Variants in ST6GALNAC2 observed in about 807,000 individuals in gnomAD.
ST6GALNAC2 encodes ST6 N-acetylgalactosaminide alpha-2,6-sialyltransferase 2.
A neutral mutation model predicts 38.7 loss-of-function variants in ST6GALNAC2; 42 were observed. The ratio of observed to expected loss-of-function variants is 1.09; its 90% CI spans 0.85 to 1.40. ST6GALNAC2 has a LOEUF of 1.40. Ranked by LOEUF, ST6GALNAC2 falls within the 40% of genes most tolerant of loss-of-function variation. The pLI, the probability that ST6GALNAC2 is intolerant of heterozygous loss-of-function variation, is 0.00. For missense variants in ST6GALNAC2, 506 were observed against 481.7 expected, an observed-to-expected ratio of 1.05 and a Z score of -0.47; for synonymous variants, 233 against 209.0, an observed-to-expected ratio of 1.11 and a Z score of -0.99.
intron 6 of ST6GALNAC2, chr17:76,569,477 G>C (rs2075327624): frequency 2.8e-6 from 1 of 362,940 alleles, no homozygotes; most frequent in Non-Finnish European, 4.8e-6. Context: ...CGGGAAGAGG[G>C]CTGTGAGGCA....
intron 5 of ST6GALNAC2, 158 bp from the exon 6 acceptor site, chr17:76,570,826 T>C (rs912468488): frequency 9.0e-5 from 56 of 619,488 alleles, no homozygotes; most frequent in Admixed American, 2.9e-4. Flanking sequence ...GGTTTCAGTG[T>C]AGGTCCACAA....
chr17:76,579,899 A>G (rs563686675), intron 1 of ST6GALNAC2, among the ~76,000 whole-genome samples: 133 of 152,230 alleles, frequency 8.7e-4, no homozygotes, highest in African/African-American at 3.0e-3. Flanking sequence ...AAATGATCCA[A>G]CTCAGGTGTT....
chr17:76,566,876 AT>A (rs1567925248), intron 8 of ST6GALNAC2, among the ~76,000 whole-genome samples: 1 of 152,034 alleles, frequency 6.6e-6, no homozygotes, highest in Non-Finnish European at 1.5e-5. Flanking sequence ...GTGGAGAGGC[AT>A]TTGGCCCCCA....
chr17:76,567,630 T>TAC, intron 7 of ST6GALNAC2, 78 bp from the exon 8 acceptor site: 1 of 982,668 alleles, frequency 1.0e-6, no homozygotes, highest in Non-Finnish European at 1.6e-6. Context: ...TTCAAATAGG[T>TAC]GGGAAAACTT....
chr17:76,582,164 C>CTTTTTTTTTTT (rs71158025), intron 1 of ST6GALNAC2, among the ~76,000 whole-genome samples: 7 of 62,062 alleles, frequency 1.1e-4, no homozygotes, highest in African/African-American at 4.0e-4. Context: ...CGTGCCCAGC[C>CTTTTTTTTTTT]TTTTTTTTTT....
At chr17:76,583,245 G>A (rs1305033730) in intron 1 of ST6GALNAC2, among the ~76,000 whole-genome samples, 5 of 151,842 alleles carry the variant, frequency 3.3e-5, no homozygotes, top group African/African-American at 4.8e-5. Flanking sequence ...GCATGGTGGC[G>A]GGCACCTGTA....
intron 5 of ST6GALNAC2, among the ~76,000 whole-genome samples, chr17:76,571,930 C>T (rs888279186): frequency 6.6e-6 from 1 of 152,172 alleles, no homozygotes; most frequent in African/African-American, 2.4e-5. Flanking sequence ...ACACGTCCCT[C>T]AGTGTCTCTG....
At chr17:76,568,850 G>A (rs1457408788) in intron 6 of ST6GALNAC2, 54 bp from the exon 7 acceptor site, 10 of 1,575,210 alleles carry the variant, frequency 6.3e-6, no homozygotes, top group South Asian at 4.4e-5. Context: ...TATTGCAAGG[G>A]GGAGATGGAG....
rs376405490 is a variant in ST6GALNAC2, at chr17:76,566,288, G to A, written c.958-17C>T. On this transcript the variant is annotated splice_polypyrimidine_tract_variant and intron_variant, in intron 8 of 8. Transcript: ENST00000225276. ...GGCACTGACCTGGGCAAGGATAGTC[G>A]CTGGATTAGTATTTGTTGAGCGTCT... 6.8e-5 allele frequency: 109 copies of A among 1,613,270 alleles called. 1 individual carries two copies. The Middle Eastern group carries it at 2.1e-3, about 32-fold the overall frequency.
chr17:76,575,516 C>T (rs865934355), intron 2 of ST6GALNAC2, among the ~76,000 whole-genome samples: 1 of 152,150 alleles, frequency 6.6e-6, no homozygotes, highest in African/African-American at 2.4e-5. Context: ...GCAGTGGAGC[C>T]GCCAGAGCTG....
chr17:76,569,195 T>TG (rs1309756381), intron 6 of ST6GALNAC2: 1 of 91,958 alleles, frequency 1.1e-5, no homozygotes, highest in Non-Finnish European at 1.8e-5. Context: ...AGTGGTGCTG[T>TG]GGGGGGCTGG....
At chr17:76,579,262 G>T (rs543072993) in intron 1 of ST6GALNAC2, among the ~76,000 whole-genome samples, 2 of 152,326 alleles carry the variant, frequency 1.3e-5, no homozygotes, top group South Asian at 4.1e-4. Context: ...AGGCACACAG[G>T]ATACTGTCAC....
At position 76,567,793 on chromosome 17, in the gene ST6GALNAC2, C is replaced by T. The variant is rs1174344091; in HGVS notation, c.858-241G>A. ...TTTTGGCAACAGCTTGTTTTCACCC[C>T]AAGCTACTAAGTAACCACACTGCCA... On this transcript the variant is annotated intron_variant, in intron 7 of 8. Coordinates refer to ENST00000225276, the MANE Select transcript of ST6GALNAC2 (RefSeq NM_006456.3). 11 of 450,534 alleles carry T rather than the reference C, an allele frequency of 2.4e-5. No homozygotes were observed. In the Admixed American group the frequency reaches 3.9e-4, roughly 16 times the overall value. The allele number at this position is 450,534 out of a possible 1,614,324, so 27.9% of individuals were successfully genotyped here. A position where few individuals can be genotyped will look rare whatever the true frequency, so the allele number is the denominator to read the frequency against.
At chr17:76,566,546 T>C (rs966984941) in intron 8 of ST6GALNAC2, among the ~76,000 whole-genome samples, 3 of 151,936 alleles carry the variant, frequency 2.0e-5, no homozygotes, top group African/African-American at 7.3e-5. Context: ...GGGACTGCAG[T>C]CAAGACACTC....
At chr17:76,572,549 T>A in intron 5 of ST6GALNAC2, 88 bp downstream of exon 5, 1 of 1,478,720 alleles carries the variant, frequency 6.8e-7, no homozygotes, top group South Asian at 1.2e-5. Context: ...TGGACCAGGG[T>A]GTGTGAGCCC....
chr17:76,580,730 A>C (rs201335227), intron 1 of ST6GALNAC2, among the ~76,000 whole-genome samples: 45 of 143,120 alleles, frequency 3.1e-4, no homozygotes, highest in Non-Finnish European at 6.6e-4. Flanking sequence ...AAAAAAAAAA[A>C]GAGTGAAAGT....
At position 76,574,501 on chromosome 17, in the gene ST6GALNAC2, C is replaced by T. The variant is rs375195999; in HGVS notation, c.225G>A (p.Gln75=). 4.5e-5 allele frequency: 72 copies of T among 1,588,456 alleles called. No individual in the cohort carries two copies. Among genetic ancestry groups the T allele is most frequent in the Non-Finnish European group, 5.9e-5 (69 of 1,163,862 alleles). The change falls in exon 3 of 9, where the codon CAG becomes CAA. Residue 75 remains glutamine, a synonymous_variant. Transcript: ENST00000225276. The stretch of plus-strand genomic sequence containing the variant: ...ACAGGCCACGGAAGTGGGGGTGCCG[C>T]TGAATGGCCAGGTGAAGCAGGTGTC... ...ACRHLLHLAI[Q]RHPHFRGLFN...
At chr17:76,582,967 G>A (rs1297690183) in intron 1 of ST6GALNAC2, among the ~76,000 whole-genome samples, 1 of 152,140 alleles carries the variant, frequency 6.6e-6, no homozygotes. Flanking sequence ...TTTGAAAAGA[G>A]GAAAGATCTT....
At position 76,566,272 on chromosome 17, in the gene ST6GALNAC2, C is replaced by CA. The variant is rs2075281185; in HGVS notation, c.958-2_958-1insT. The CA allele has an allele frequency of 2.5e-6, 4 of 1,613,892 alleles. No homozygotes were observed. Among genetic ancestry groups the CA allele is most frequent in the Admixed American group, 1.7e-5 (1 of 60,004 alleles). On this transcript the variant is annotated splice_acceptor_variant, in intron 8 of 8. Transcript: ENST00000225276. LOFTEE classifies it high-confidence loss of function. ...TTGTGATGAATCCATAGGCACTGAC[C>CA]TGGGCAAGGATAGTCGCTGGATTAG...
Sources: allele counts gnomAD v4.1 joint callset (sites outside exome capture counted in the v4.1 genomes callset), GRCh38; gene constraint gnomAD v4.1.1; transcripts MANE v1.5; gene names NCBI Gene and HGNC (gene_info 2026-07-23, HGNC 2026-07-21).